The following SCN11A variants were observed in gnomAD, a reference collection of about 807,000 sequenced individuals.
SCN11A encodes the protein sodium channel protein type 11 subunit alpha.
Under a neutral mutation model 162.2 loss-of-function variants are expected in SCN11A, and 122 were observed. The ratio of observed to expected loss-of-function variants is 0.75; its 90% CI spans 0.65 to 0.87. SCN11A has a LOEUF of 0.87. Ranked by LOEUF, SCN11A falls within the 40% of genes least tolerant of loss-of-function variation. SCN11A has a pLI of 0.00. For synonymous variants in SCN11A, 758 were observed against 751.5 expected (o/e 1.01, Z -0.14); for missense variants, 2,015 against 2,181.6 (o/e 0.92, Z 1.52).
At chr3:38,869,969 GCATCAACT>G (rs1162263735) in intron 26 of SCN11A, among the ~76,000 whole-genome samples, 1 of 152,064 alleles carries the variant, frequency 6.6e-6, no homozygotes, top group African/African-American at 2.4e-5. Flanking sequence ...TAGGTGTTAG[GCATCAACT>G]CTGCAGACTC....
chr3:39,033,246 A>G (rs2031811497), intron 1 of SCN11A, among the ~76,000 whole-genome samples: 1 of 152,102 alleles, frequency 6.6e-6, no homozygotes, highest in Non-Finnish European at 1.5e-5. Flanking sequence ...TGATTTAACA[A>G]TAGCAAGTCT....
chr3:38,865,858 C>A (rs1002176260), intron 27 of SCN11A, among the ~76,000 whole-genome samples: 4 of 151,958 alleles, frequency 2.6e-5, no homozygotes, highest in Non-Finnish European at 5.9e-5. Flanking sequence ...AAATATAAAA[C>A]AATGAGATAA....
chr3:38,847,740 T>A lies in SCN11A; in HGVS notation c.4330A>T (p.Thr1444Ser). ...TGATTTTCCAAGGTAGAAATCATTG[T>A]ACCTCAGGAGAAGGAGAAAAGTAAA... ...CVVVLLSIVS[T>S]MISTLENQEH... The change falls in exon 30 of 30, where the codon ACA (threonine) becomes TCA (serine). Residue 1444 changes from threonine (T) to serine (S), a missense_variant and splice_region_variant. Physicochemically the swap from Thr to Ser is moderately conservative, Grantham distance 58. Transcript: ENST00000302328. 1 of 1,576,274 alleles carries A rather than the reference T, an allele frequency of 6.3e-7. No homozygotes were observed. The highest frequency in any genetic ancestry group is 1.4e-5 in the African/African-American group (1 of 73,374).
At chr3:38,907,883 A>T in intron 14 of SCN11A, 66 bp downstream of exon 14, 5 of 1,334,968 alleles carry the variant, frequency 3.7e-6, no homozygotes, top group Non-Finnish European at 4.1e-6. Flanking sequence ...TTTCAATTTG[A>T]TTGGCAATTG....
intron 2 of SCN11A, among the ~76,000 whole-genome samples, chr3:39,015,459 G>C (rs1346524619): frequency 1.3e-5 from 2 of 152,180 alleles, no homozygotes; most frequent in African/African-American, 4.8e-5. Context: ...ACTGACTTAT[G>C]GCCATAGGAT....
At chr3:38,867,269 C>T in intron 27 of SCN11A, 52 bp downstream of exon 27, 2 of 1,527,544 alleles carry the variant, frequency 1.3e-6, no homozygotes, top group Non-Finnish European at 1.8e-6. Context: ...TTTGTTAATG[C>T]ATTTGGAGGA....
intron 5 of SCN11A, among the ~76,000 whole-genome samples, chr3:38,947,617 C>T (rs897389399): frequency 6.6e-6 from 1 of 152,126 alleles, no homozygotes; most frequent in Admixed American, 6.5e-5. Flanking sequence ...TACATTATGC[C>T]CGCCCCCCCA....
At chr3:38,958,824 A>G (rs987493079) in intron 3 of SCN11A, among the ~76,000 whole-genome samples, 17 of 152,356 alleles carry the variant, frequency 1.1e-4, no homozygotes, top group African/African-American at 4.1e-4. Context: ...TAACTAACAT[A>G]CATTATCTCA....
At chr3:38,997,037 G>T (rs1312683964) in intron 2 of SCN11A, among the ~76,000 whole-genome samples, 1 of 151,970 alleles carries the variant, frequency 6.6e-6, no homozygotes, top group Non-Finnish European at 1.5e-5. Flanking sequence ...TAATCCCCCT[G>T]CTTCCACCCT....
intron 2 of SCN11A, among the ~76,000 whole-genome samples, chr3:39,018,414 G>T (rs2031352705): frequency 6.6e-6 from 1 of 152,140 alleles, no homozygotes; most frequent in African/African-American, 2.4e-5. Flanking sequence ...ACTCTGCTGG[G>T]TTCCCCTTCC....
intron 13 of SCN11A, 70 bp from the exon 14 acceptor site, chr3:38,908,192 C>T: frequency 7.2e-7 from 1 of 1,380,290 alleles, no homozygotes; most frequent in African/African-American, 1.5e-5. Flanking sequence ...ATGACCCCGA[C>T]CTGAGAGTGG....
Position 38,850,645 on chromosome 3 carries a change from T to C in SCN11A, c.4163A>G (p.Tyr1388Cys). Residue 1388 changes from tyrosine to cysteine, a missense_variant, in exon 29 of 30, where the codon TAC (tyrosine) becomes TGC (cysteine). Coordinates refer to ENST00000302328, the MANE Select transcript of SCN11A (RefSeq NM_001349253.2). Reference protein sequence around the residue: ...LNMISMMAESYNQPKAMKSIL... With the variant: ...LNMISMMAESCNQPKAMKSIL... ...GGATTTCATGGCTTTGGGTTGGTTG[T>C]ATGATTCAGCCATCATGCTAATCAT... The C allele has an allele frequency of 3.1e-6, 5 of 1,614,008 alleles. No homozygotes were observed. The highest frequency in any genetic ancestry group is 4.2e-6 in the Non-Finnish European group (5 of 1,179,872).
intron 1 of SCN11A, among the ~76,000 whole-genome samples, chr3:39,043,462 C>A (rs1339466426): frequency 7.3e-6 from 1 of 137,102 alleles, no homozygotes; most frequent in Non-Finnish European, 1.5e-5. Flanking sequence ...GATACTTATA[C>A]ACAATGAAGT....
chr3:38,992,358 A>G (rs1010372276), intron 2 of SCN11A, among the ~76,000 whole-genome samples: 2 of 152,224 alleles, frequency 1.3e-5, no homozygotes, highest in African/African-American at 2.4e-5. Flanking sequence ...ATCCTCCTCA[A>G]GAATGGTCTG....
intron 2 of SCN11A, among the ~76,000 whole-genome samples, chr3:39,016,879 A>C (rs2031302819): frequency 6.6e-6 from 1 of 152,230 alleles, no homozygotes; most frequent in African/African-American, 2.4e-5. Context: ...CTGGGATTAC[A>C]GGTGTGAGCC....
At chr3:38,948,321 T>C (rs1212644025) in intron 5 of SCN11A, among the ~76,000 whole-genome samples, 3 of 152,236 alleles carry the variant, frequency 2.0e-5, no homozygotes, top group Non-Finnish European at 4.4e-5. Flanking sequence ...ATTTTATTGA[T>C]GCCTCTTCTT....
At chr3:38,884,207 A>G (rs1330234953) in intron 21 of SCN11A, among the ~76,000 whole-genome samples, 1 of 152,162 alleles carries the variant, frequency 6.6e-6, no homozygotes, top group Non-Finnish European at 1.5e-5. Context: ...CATCTTCCTA[A>G]AAGACTACAC....
intron 7 of SCN11A, among the ~76,000 whole-genome samples, chr3:38,938,708 GC>G (rs1447294859): frequency 6.7e-6 from 1 of 150,312 alleles, no homozygotes; most frequent in Non-Finnish European, 1.5e-5. Context: ...GGGATTACAG[GC>G]ATGTGCCACC....
intron 2 of SCN11A, among the ~76,000 whole-genome samples, chr3:38,980,834 G>A (rs1278415871): frequency 6.6e-6 from 1 of 152,160 alleles, no homozygotes; most frequent in Non-Finnish European, 1.5e-5. Flanking sequence ...TGCTACCAAG[G>A]AAACCAAATT....
Sources: gnomAD v4.1 joint callset for allele counts (sites outside exome capture counted in the v4.1 genomes callset) on GRCh38, gnomAD v4.1.1 for gene constraint, MANE v1.5 for transcripts, NCBI Gene and HGNC (gene_info 2026-07-23, HGNC 2026-07-21) for gene names.